Variants in ST8SIA5 observed in about 807,000 individuals in gnomAD.
ST8SIA5 encodes the protein alpha-2,8-sialyltransferase 8E.
ST8SIA5 carries 24 observed loss-of-function variants against 40.2 expected under a neutral mutation model. That is an observed-to-expected ratio of 0.60 (90% confidence interval 0.43 to 0.84). The LOEUF is 0.84. Ranked by LOEUF, ST8SIA5 falls within the 40% of genes least tolerant of loss-of-function variation. The pLI, the probability that ST8SIA5 is intolerant of heterozygous loss-of-function variation, is 0.00. For synonymous variants in ST8SIA5, 198 were observed against 201.8 expected (o/e 0.98, Z 0.16); for missense variants, 465 against 498.5 (o/e 0.93, Z 0.64).
chr18:46,690,878 A>T (rs967983217), intron 3 of ST8SIA5, among the ~76,000 whole-genome samples: 2 of 152,094 alleles, frequency 1.3e-5, no homozygotes, highest in Admixed American at 1.3e-4. Context: ...GGCCTCCCAA[A>T]GTGCTGGGAT....
chr18:46,735,326 C>T (rs1398995929), intron 1 of ST8SIA5, among the ~76,000 whole-genome samples: 2 of 152,208 alleles, frequency 1.3e-5, no homozygotes, highest in East Asian at 1.9e-4. Context: ...CCTTAATAAA[C>T]TGCCCTTTAT....
At position 46,688,865 on chromosome 18, in the gene ST8SIA5, C is replaced by A; in HGVS notation, c.366G>T (p.Lys122Asn). 2 of 1,614,124 alleles carry A rather than the reference C, an allele frequency of 1.2e-6. No homozygotes were observed. Among genetic ancestry groups the A allele is most frequent in the Non-Finnish European group, 1.7e-6 (2 of 1,180,020 alleles). Reference protein sequence around the residue: ...NAPAFLFTTQKNTPLGTKLKY... With the variant: ...NAPAFLFTTQNNTPLGTKLKY... ...TGAGCTTTGTCCCCAGGGGAGTGTT[C>A]TTCTGGGTGGTGAAGAGAAAGGCAG... The change falls in exon 4 of 7, where the codon AAG becomes AAT. Residue 122 changes from lysine to asparagine, a missense_variant. Lys to Asn is a moderately conservative substitution (Grantham distance 94). Coordinates refer to ENST00000315087, the MANE Select transcript of ST8SIA5 (RefSeq NM_013305.6).
intron 1 of ST8SIA5, among the ~76,000 whole-genome samples, chr18:46,735,767 C>T (rs949645397): frequency 6.6e-5 from 10 of 151,342 alleles, no homozygotes; most frequent in African/African-American, 2.2e-4. Context: ...CATGCACCAC[C>T]ACACCTGGAT....
chr18:46,719,686 C>CTTTCTTTCTTTCTTTCTTTCTTTCT (rs1373267870), intron 1 of ST8SIA5, among the ~76,000 whole-genome samples: 5 of 142,146 alleles, frequency 3.5e-5, no homozygotes, highest in Non-Finnish European at 7.6e-5. Context: ...TTTCTTTTTT[C>CTTTCTTTCTTTCTTTCTTTCTTTCT]TTTCTTTCTT....
chr18:46,725,984 T>TATATATATATATATATATCCTGG (rs2039920223), intron 1 of ST8SIA5, among the ~76,000 whole-genome samples: 1 of 43,666 alleles, frequency 2.3e-5, no homozygotes, highest in Non-Finnish European at 4.2e-5. Context: ...TATATATATA[T>TATATATATATATATATATCCTGG]ATATATATAT....
intron 1 of ST8SIA5, chr18:46,730,389 CATGCAT>C (rs2039974537): frequency 3.1e-6 from 1 of 323,434 alleles, no homozygotes; most frequent in Non-Finnish European, 4.4e-6. Context: ...TAAATGCTAA[CATGCAT>C]ATAAAGGCTT....
chr18:46,702,936 C>T (rs2039632586), intron 2 of ST8SIA5, among the ~76,000 whole-genome samples: 1 of 152,216 alleles, frequency 6.6e-6, no homozygotes, highest in Non-Finnish European at 1.5e-5. Context: ...CAGCTAATCC[C>T]AGCTGGATGC....
chr18:46,710,062 C>A (rs1293540162), intron 1 of ST8SIA5, among the ~76,000 whole-genome samples: 1 of 152,188 alleles, frequency 6.6e-6, no homozygotes, highest in Non-Finnish European at 1.5e-5. Context: ...AAGGGGAGGG[C>A]ACCCTGGCAC....
chr18:46,698,932 CAT>C (rs1459269650), intron 2 of ST8SIA5, among the ~76,000 whole-genome samples: 2 of 152,176 alleles, frequency 1.3e-5, no homozygotes, highest in Admixed American at 1.3e-4. Flanking sequence ...AAGAAAGAAA[CAT>C]GTACAAGAAA....
At chr18:46,702,095 C>T (rs572787746) in intron 2 of ST8SIA5, among the ~76,000 whole-genome samples, 17 of 146,112 alleles carry the variant, frequency 1.2e-4, no homozygotes, top group Admixed American at 2.8e-4. Context: ...TGCAGTGAGG[C>T]GAGATGGCAC....
chr18:46,747,803 A>G (rs993889854), intron 1 of ST8SIA5, among the ~76,000 whole-genome samples: 6 of 152,256 alleles, frequency 3.9e-5, no homozygotes, highest in South Asian at 2.1e-4. Flanking sequence ...TCACAGTACC[A>G]AAGACTTGGA....
intron 1 of ST8SIA5, 123 bp downstream of exon 1, chr18:46,756,255 G>T (rs1365693137): frequency 1.4e-6 from 2 of 1,389,326 alleles, no homozygotes; most frequent in Non-Finnish European, 1.9e-6. Flanking sequence ...CATGCTCGGG[G>T]CTAGGAGCGG....
chr18:46,741,865 G>A (rs536679380), intron 1 of ST8SIA5, among the ~76,000 whole-genome samples: 1 of 152,098 alleles, frequency 6.6e-6, no homozygotes, highest in African/African-American at 2.4e-5. Flanking sequence ...ACTTTGGGAG[G>A]CTAAGGAGGA....
rs1430833926 is a variant in ST8SIA5, at chr18:46,677,183, C to T, written c.*2859G>A. ...AGCATTTGTCCCTGGAGGAGGGCCC[C>T]GTACTATCCTGCAGGGGCATCTTGG... On this transcript the variant is annotated 3_prime_UTR_variant, in exon 7 of 7. Transcript: ENST00000315087. 2 of 152,230 alleles carry T rather than the reference C, an allele frequency of 1.3e-5. No individual in the cohort carries two copies. The highest frequency in any genetic ancestry group is 4.8e-5 in the African/African-American group (2 of 41,452). 9.4% of individuals were successfully genotyped at this position (152,230 alleles called of 1,614,324 possible).
chr18:46,721,449 T>G (rs987109401), intron 1 of ST8SIA5: 1 of 1,536,138 alleles, frequency 6.5e-7, no homozygotes, highest in Non-Finnish European at 8.7e-7. Context: ...GTCACCACTC[T>G]GCCAACCAAA....
chr18:46,697,333 A>G (rs953574419), intron 2 of ST8SIA5, among the ~76,000 whole-genome samples: 3 of 152,132 alleles, frequency 2.0e-5, no homozygotes, highest in African/African-American at 7.2e-5. Flanking sequence ...CCACAAAGAC[A>G]ACTATTGGAG....
chr18:46,720,254 A>C (rs1407677180), intron 1 of ST8SIA5, among the ~76,000 whole-genome samples: 1 of 152,142 alleles, frequency 6.6e-6, no homozygotes, highest in Non-Finnish European at 1.5e-5. Flanking sequence ...AGGGCCGCTT[A>C]GCAGACAGGC....
intron 1 of ST8SIA5, among the ~76,000 whole-genome samples, chr18:46,743,378 A>G (rs964184139): frequency 1.1e-4 from 16 of 152,342 alleles, no homozygotes; most frequent in African/African-American, 3.6e-4. Context: ...AAATGACCTG[A>G]TGGAGCTGAA....
chr18:46,707,116 A>G (rs184694637), intron 1 of ST8SIA5, among the ~76,000 whole-genome samples: 74 of 152,310 alleles, frequency 4.9e-4, no homozygotes, highest in African/African-American at 1.7e-3. Context: ...CAGTCACACA[A>G]CAGTGAGCTC....
Sources: allele counts gnomAD v4.1 joint callset (sites outside exome capture counted in the v4.1 genomes callset), GRCh38; gene constraint gnomAD v4.1.1; transcripts MANE v1.5; gene names NCBI Gene and HGNC (gene_info 2026-07-23, HGNC 2026-07-21).